The following DENND4C variants were observed in gnomAD, a reference collection of about 807,000 sequenced individuals.
DENND4C encodes the protein DENN domain-containing protein 4C.
In DENND4C, 108 loss-of-function variants were observed where a neutral mutation model predicts 203.0. That is an observed-to-expected ratio of 0.53 (90% CI 0.46 to 0.62). The LOEUF is 0.62. Ranked by LOEUF, DENND4C falls within the 20% of genes least tolerant of loss-of-function variation. The probability of loss-of-function intolerance (pLI) is 0.00; values close to 1 mark genes in which losing one functional copy is unlikely to be tolerated. For synonymous variants in DENND4C, 871 were observed against 792.4 expected, an observed-to-expected ratio of 1.10 and a Z score of -1.67; for missense variants, 2,481 against 2,301.2, an observed-to-expected ratio of 1.08 and a Z score of -1.60.
chr9:19,303,098 T>C (rs1487399927), intron 9 of DENND4C, among the ~76,000 whole-genome samples: 3 of 152,142 alleles, frequency 2.0e-5, no homozygotes, highest in Admixed American at 2.0e-4. Context: ...GAGGACTTTT[T>C]TGGATTTTGG....
intron 1 of DENND4C, among the ~76,000 whole-genome samples, 165 bp downstream of exon 1, chr9:19,230,998 T>G (rs1296539107): frequency 1.3e-5 from 2 of 152,178 alleles, no homozygotes; most frequent in Admixed American, 1.3e-4. Context: ...TGGCCGCGGC[T>G]GGCGTTCGTG....
intron 1 of DENND4C, among the ~76,000 whole-genome samples, chr9:19,263,626 A>T (rs1210002427): frequency 3.5e-5 from 5 of 142,510 alleles, no homozygotes; most frequent in Admixed American, 1.4e-4. Context: ...ATCAATGTTC[A>T]TTGGAGATAG....
At chr9:19,280,829 C>T (rs1025608828) in intron 2 of DENND4C, among the ~76,000 whole-genome samples, 5 of 152,122 alleles carry the variant, frequency 3.3e-5, no homozygotes, top group Non-Finnish European at 7.3e-5. Context: ...CAGCCTCCGC[C>T]TTCTGGGCTC....
intron 1 of DENND4C, among the ~76,000 whole-genome samples, chr9:19,232,416 A>G (rs1377689532): frequency 6.7e-6 from 1 of 148,634 alleles, no homozygotes; most frequent in Non-Finnish European, 1.5e-5. Flanking sequence ...ATCATATGCG[A>G]CTTGACTTTG....
chr9:19,319,792 G>A (rs1434059530), intron 12 of DENND4C, among the ~76,000 whole-genome samples: 4 of 152,200 alleles, frequency 2.6e-5, no homozygotes, highest in South Asian at 4.1e-4. Flanking sequence ...AGTGTGTTTC[G>A]AAGGAAAGTA....
At chr9:19,316,984 TTA>T (rs1841962408) in intron 12 of DENND4C, 145 bp downstream of exon 12, 1 of 733,574 alleles carries the variant, frequency 1.4e-6, no homozygotes, top group African/African-American at 1.8e-5. Flanking sequence ...TAACCTAGCT[TTA>T]TGACTAGAAT....
At chr9:19,345,048 A>C (rs2131985182) in intron 22 of DENND4C, among the ~76,000 whole-genome samples, 1 of 152,208 alleles carries the variant, frequency 6.6e-6, no homozygotes. Context: ...CCTGCCTCCT[A>C]ATACTGTCAC....
In DENND4C at chr9:19,316,450, A is replaced by G. The variant is rs764275092; in HGVS notation, c.1521A>G (p.Gln507=). 6.8e-6 allele frequency: 11 copies of G among 1,613,766 alleles called. No homozygotes were observed. In the African/African-American group the frequency reaches 9.3e-5, roughly 14 times the overall value. The part of the protein sequence containing the change: ...SDEKKNMNWK[Q]LPKKPCKNLL... ...AAAAGAAGAACATGAACTGGAAGCA[A>G]CTTCCCAAAAAGCCGTGCAAAAATC... The change falls in exon 11 of 33, where the codon CAA becomes CAG. Residue 507 remains glutamine, a synonymous_variant. Coordinates refer to ENST00000434457, the MANE Select transcript of DENND4C (RefSeq NM_001330640.2).
chr9:19,262,582 C>T (rs926027755), intron 1 of DENND4C, among the ~76,000 whole-genome samples: 1 of 152,006 alleles, frequency 6.6e-6, no homozygotes, highest in African/African-American at 2.4e-5. Flanking sequence ...CAGGTGTGCA[C>T]TCCCACACCC....
chr9:19,262,446 A>ATTTTTTTTTTTTT (rs2037796224), intron 1 of DENND4C, among the ~76,000 whole-genome samples: 1 of 122,578 alleles, frequency 8.2e-6, no homozygotes, highest in Non-Finnish European at 1.7e-5. Context: ...AATATATCAT[A>ATTTTTTTTTTTTT]TCTTTTTTTT....
At chr9:19,268,520 A>G (rs1187623182) in intron 1 of DENND4C, among the ~76,000 whole-genome samples, 1 of 152,212 alleles carries the variant, frequency 6.6e-6, no homozygotes, top group Non-Finnish European at 1.5e-5. Context: ...TGCTATTACC[A>G]GGGAGTTTTG....
intron 1 of DENND4C, among the ~76,000 whole-genome samples, chr9:19,247,329 A>G (rs1825538392): frequency 6.6e-6 from 1 of 152,202 alleles, no homozygotes; most frequent in Non-Finnish European, 1.5e-5. Context: ...TGTAAGCATT[A>G]TTAATTTGCT....
At chr9:19,267,786 G>A (rs1588790187) in intron 1 of DENND4C, among the ~76,000 whole-genome samples, 1 of 152,166 alleles carries the variant, frequency 6.6e-6, no homozygotes, top group East Asian at 1.9e-4. Context: ...CAATCCTCCT[G>A]CATCAGCCTC....
Position 19,372,308 on chromosome 9 carries a change from G to T in DENND4C, c.*135G>T. On this transcript the variant is annotated 3_prime_UTR_variant, in exon 33 of 33. Coordinates refer to ENST00000434457, the MANE Select transcript of DENND4C (RefSeq NM_001330640.2). The stretch of plus-strand genomic sequence containing the variant: ...GTAACTCTTGGGGACAATATATAAT[G>T]AATTATGATTCATATTGCATTACCT... 1 of 1,067,562 alleles carries T rather than the reference G, an allele frequency of 9.4e-7. No homozygotes were observed. Among genetic ancestry groups the T allele is most frequent in the Non-Finnish European group, 1.3e-6 (1 of 750,656 alleles). 66.1% of individuals were successfully genotyped at this position (1,067,562 alleles called of 1,614,324 possible).
intron 1 of DENND4C, among the ~76,000 whole-genome samples, chr9:19,261,623 C>T (rs1177476246): frequency 6.6e-6 from 1 of 151,772 alleles, no homozygotes; most frequent in Non-Finnish European, 1.5e-5. Flanking sequence ...TCGCCTCAGC[C>T]TCCTCAGTAC....
intron 13 of DENND4C, 131 bp from the exon 14 acceptor site, chr9:19,325,808 A>G: frequency 1.2e-6 from 1 of 816,978 alleles, no homozygotes; most frequent in Non-Finnish European, 2.0e-6. Flanking sequence ...GCCTAAAAAT[A>G]TACTGTGCAT....
At chr9:19,300,858 A>AT (rs1838415869) in intron 9 of DENND4C, among the ~76,000 whole-genome samples, 1 of 152,226 alleles carries the variant, frequency 6.6e-6, no homozygotes, top group African/African-American at 2.4e-5. Flanking sequence ...CCCTGCTTAA[A>AT]ACCCTTTGGC....
chr9:19,254,309 A>C (rs929417970), intron 1 of DENND4C, among the ~76,000 whole-genome samples: 1 of 152,252 alleles, frequency 6.6e-6, no homozygotes, highest in Non-Finnish European at 1.5e-5. Flanking sequence ...AGCATTATTC[A>C]CAATAGCTGA....
At chr9:19,242,242 T>C (rs1017460636) in intron 1 of DENND4C, among the ~76,000 whole-genome samples, 2 of 152,236 alleles carry the variant, frequency 1.3e-5, no homozygotes, top group African/African-American at 4.8e-5. Context: ...TACATCATTT[T>C]GTGGTTTGCT....
Sources: allele counts gnomAD v4.1 joint callset (sites outside exome capture counted in the v4.1 genomes callset), GRCh38; gene constraint gnomAD v4.1.1; transcripts MANE v1.5; gene names NCBI Gene and HGNC (gene_info 2026-07-23, HGNC 2026-07-21).